Variants in PRSS36 observed in about 807,000 individuals in gnomAD.
The protein encoded by PRSS36 is polyserase-2.
In PRSS36, 90 loss-of-function variants were observed where a neutral mutation model predicts 94.3. The ratio of observed to expected loss-of-function variants is 0.95; its 90% CI spans 0.80 to 1.14. PRSS36 has a LOEUF of 1.14. PRSS36 is among the 50% of genes most tolerant of loss of function. The probability of loss-of-function intolerance (pLI) is 0.00; values close to 1 mark genes in which losing one functional copy is unlikely to be tolerated. For synonymous variants in PRSS36, 500 were observed against 489.6 expected, an observed-to-expected ratio of 1.02 and a Z score of -0.28; for missense variants, 1,158 against 1,135.0, an observed-to-expected ratio of 1.02 and a Z score of -0.29.
Position 31,142,861 on chromosome 16 carries a change from C to T in PRSS36, c.1233G>A (p.Leu411=). The T allele has an allele frequency of 5.1e-6, 8 of 1,558,730 alleles. No individual in the cohort carries two copies. Among genetic ancestry groups the T allele is most frequent in the Non-Finnish European group, 5.2e-6 (6 of 1,156,918 alleles). ...CGGGCGTGCGCAGCTGCAGCAGCGC[C>T]AGGTCCGAGGCGTTGTCCCACGAAG... ...ENASWDNASD[L]ALLQLRTPVN... is the part of the protein sequence containing the mutation. Residue 411 remains leucine (L), a synonymous_variant, in exon 9 of 15, where the codon CTG becomes CTA. Coordinates refer to ENST00000268281, the MANE Select transcript of PRSS36 (RefSeq NM_173502.5).
intron 2 of PRSS36, 87 bp downstream of exon 2, chr16:31,149,609 C>G (rs531945488): frequency 6.2e-7 from 1 of 1,607,196 alleles, no homozygotes; most frequent in Non-Finnish European, 8.5e-7. Flanking sequence ...CTTCCCTGTC[C>G]GTTCAGCAAC....
Position 31,145,799 on chromosome 16 carries a change from T to C in PRSS36, c.710A>G (p.Asp237Gly), listed in dbSNP as rs776037792. Residue 237 changes from aspartate to glycine, a missense_variant, in exon 6 of 15, where the codon GAC becomes GGC. Physicochemically the swap from Asp to Gly is moderately conservative, Grantham distance 94 (BLOSUM62 -1). Coordinates refer to ENST00000268281, the MANE Select transcript of PRSS36 (RefSeq NM_173502.5). ...GGGGCCTTCCCTCACCTGGCAGGTG[T>C]CCCTGCGGCCCTCTGGGTAGCCAGC... ...LCAGYPEGRR[D>G]TCQGDSGGPL... 6.2e-7 allele frequency: 1 copy of C among 1,612,982 alleles called. No individual in the cohort carries two copies.
chr16:31,141,994 T>G, intron 10 of PRSS36, 34 bp from the exon 11 acceptor site: 1 of 1,588,402 alleles, frequency 6.3e-7, no homozygotes, highest in East Asian at 2.2e-5. Flanking sequence ...TACTTGCCTC[T>G]GCGTGTGTGC....
chr16:31,145,332 T>C (rs1177514406), intron 6 of PRSS36, among the ~76,000 whole-genome samples: 28 of 125,504 alleles, frequency 2.2e-4, no homozygotes, highest in Admixed American at 5.8e-4. Context: ...GAGATCATGC[T>C]ACTGCACTCC....
Position 31,139,213 on chromosome 16 carries a change from T to G in PRSS36, c.2493A>C (p.Pro831=). The part of the protein sequence containing the change: ...WPTGGSNLCP[P]ELAKASGSPH... ...GGGATCCCGAGGCCTTGGCCAGTTC[T>G]GGGGGGCAGAGATTGCTGCCTCCAG... The change falls in exon 15 of 15, where the codon CCA becomes CCC. Residue 831 remains proline (P), a synonymous_variant. Coordinates refer to ENST00000268281, the MANE Select transcript of PRSS36 (RefSeq NM_173502.5). 1.9e-6 allele frequency: 3 copies of G among 1,613,344 alleles called. No individual in the cohort carries two copies. The highest frequency in any genetic ancestry group is 1.7e-6 in the Non-Finnish European group (2 of 1,179,470).
At chr16:31,148,713 C>A in intron 4 of PRSS36, 38 bp from the exon 5 acceptor site, 1 of 1,607,886 alleles carries the variant, frequency 6.2e-7, no homozygotes, top group Non-Finnish European at 8.5e-7. Context: ...TAGGTTGACC[C>A]TATGGAGGGG....
chr16:31,142,755 C>A lies in PRSS36; in HGVS notation c.1339G>T (p.Ala447Ser), dbSNP rs1263185068. The A allele has an allele frequency of 2.1e-6, 3 of 1,397,856 alleles. No individual in the cohort carries two copies. Among genetic ancestry groups the A allele is most frequent in the Non-Finnish European group, 1.9e-6 (2 of 1,071,558 alleles). The allele number at this position is 1,397,856 out of a possible 1,614,324, so 86.6% of individuals were successfully genotyped here. A position where few individuals can be genotyped will look rare whatever the true frequency, so the allele number is the denominator to read the frequency against. ...YFLPGSRCRL[A>S]RWGRGEPALG... ...AGCTCACCCCCGCGGCCCCAGCGGG[C>A]CAGGCGGCAGCGGCTCCCGGGCAGG... The change falls in exon 9 of 15, where the codon GCC becomes TCC. Residue 447 changes from alanine (A) to serine (S), a missense_variant. Ala to Ser is a moderately conservative substitution (Grantham distance 99). Coordinates refer to ENST00000268281, the MANE Select transcript of PRSS36 (RefSeq NM_173502.5).
chr16:31,141,340 T>G, intron 12 of PRSS36, 129 bp downstream of exon 12: 1 of 1,252,744 alleles, frequency 8.0e-7, no homozygotes, highest in Non-Finnish European at 1.1e-6. Context: ...GAGGCTGGCC[T>G]GGGCAACACA....
At chr16:31,140,165 G>T in intron 14 of PRSS36, 129 bp downstream of exon 14, 1 of 1,000,440 alleles carries the variant, frequency 1.0e-6, no homozygotes. Context: ...CACTCCAGCT[G>T]GGGGACAGAG....
Position 31,140,482 on chromosome 16 carries a change from G to A in PRSS36, c.2167+10C>T, listed in dbSNP as rs2057666795. On this transcript the variant is annotated intron_variant, in intron 13 of 14. Transcript: ENST00000268281. ...AGCTACTCCTCGTTCCCGTGACCCA[G>A]GGGTCTCACCTCGGTCCTGGGGTTC... 2 of 1,591,874 alleles carry A rather than the reference G, an allele frequency of 1.3e-6. No individual in the cohort carries two copies. The highest frequency in any genetic ancestry group is 1.7e-6 in the Non-Finnish European group (2 of 1,168,336).
intron 14 of PRSS36, among the ~76,000 whole-genome samples, chr16:31,139,667 G>A (rs1161031885): frequency 3.3e-5 from 5 of 151,312 alleles, no homozygotes; most frequent in Non-Finnish European, 7.4e-5. Flanking sequence ...ATCATTTGAG[G>A]TGAGGAGTTT....
Position 31,142,892 on chromosome 16 carries a change from T to C in PRSS36, c.1202A>G (p.Glu401Gly). The C allele has an allele frequency of 6.4e-7, 1 of 1,556,714 alleles. No individual in the cohort carries two copies. The highest frequency in any genetic ancestry group is 8.6e-7 in the Non-Finnish European group (1 of 1,157,022). The change falls in exon 9 of 15, where the codon GAG becomes GGG. Residue 401 changes from glutamate (E) to glycine (G), a missense_variant. Physicochemically the swap from Glu to Gly is moderately conservative, Grantham distance 98. Coordinates refer to ENST00000268281, the MANE Select transcript of PRSS36 (RefSeq NM_173502.5). ...CGAGGCGTTGTCCCACGAAGCGTTC[T>C]CGTGCTGCACCAGGCGCGCCACCCG... ...AERVARLVQH[E>G]NASWDNASDL...
At chr16:31,149,364 C>T (rs2057861606) in intron 3 of PRSS36, 99 bp downstream of exon 3, 2 of 1,553,384 alleles carry the variant, frequency 1.3e-6, no homozygotes, top group South Asian at 2.3e-5. Context: ...ACATAGAGGA[C>T]CCAGGCTTGT....
intron 10 of PRSS36, 41 bp downstream of exon 10, chr16:31,142,440 T>G: frequency 7.1e-7 from 1 of 1,411,330 alleles, no homozygotes. Flanking sequence ...CCTAGAGCCC[T>G]CTCGGGCCCG....
At chr16:31,145,522 TG>T (rs1252554378) in intron 6 of PRSS36, among the ~76,000 whole-genome samples, 17 of 147,862 alleles carry the variant, frequency 1.1e-4, no homozygotes, top group Admixed American at 1.1e-3. Context: ...CTCAGCTACT[TG>T]GGGGGCTGAA....
chr16:31,141,172 T>C (rs1034123094), intron 12 of PRSS36, among the ~76,000 whole-genome samples: 3 of 152,138 alleles, frequency 2.0e-5, no homozygotes, highest in African/African-American at 7.2e-5. Flanking sequence ...TCTGCCCGCC[T>C]CGGCCTCCCA....
rs61976958 is a variant in PRSS36 at position 31,140,606 on chromosome 16, G to A, written c.2053C>T (p.Leu685=). The A allele has an allele frequency of 2.9e-3, 4,613 of 1,610,752 alleles. 114 individuals carry two copies. The African/African-American group carries it at 0.055, about 19-fold the overall frequency. The change falls in exon 13 of 15, where the codon CTG becomes TTG. Residue 685 remains leucine (L), a synonymous_variant. Transcript: ENST00000268281. The part of the protein sequence containing the change: ...GLRPPLALLE[L]SSRVEPSPSA... Reference sequence around the variant, plus strand: ...GGGGAGGGCTCCACCCGGGAGCTCAGCTCCAGGAGGGCCAGGGGGGGCCTG... The same window carrying A: ...GGGGAGGGCTCCACCCGGGAGCTCAACTCCAGGAGGGCCAGGGGGGGCCTG...
chr16:31,139,169 A>G lies in PRSS36; in HGVS notation c.2537T>C (p.Leu846Pro). ...CTGGATCAGGAGAGTCAGCAGGAGC[A>G]GGAAGTAGACTGCATGCGGGGATCC... Reference protein sequence around the residue: ...ASGSPHAVYFLLLLTLLIQS With the variant: ...ASGSPHAVYFPLLLTLLIQS Residue 846 changes from leucine to proline, a missense_variant, in exon 15 of 15, where the codon CTG (leucine) becomes CCG (proline). By Grantham distance (98) the Leu-to-Pro change is moderately conservative. Transcript: ENST00000268281. 2 of 1,586,444 alleles carry G rather than the reference A, an allele frequency of 1.3e-6. No homozygotes were observed. Among genetic ancestry groups the G allele is most frequent in the Non-Finnish European group, 1.7e-6 (2 of 1,163,370 alleles).
At position 31,145,938 on chromosome 16, in the gene PRSS36, A is replaced by T. The variant is rs573256000; in HGVS notation, c.571T>A (p.Trp191Arg). The change falls in exon 6 of 15, where the codon TGG becomes AGG. Residue 191 changes from tryptophan (W) to arginine (R), a missense_variant. Physicochemically the swap from Trp to Arg is moderately radical, Grantham distance 101 (BLOSUM62 -3). Transcript: ENST00000268281. ...CTTAGCTCCACTTCCTGTAGCACCC[A>T]GGGGAGAGGCAGAGGATCTGGAGGC... is the stretch of plus-strand genomic sequence containing the variant. ...VQEADPLPLPWVLQEVELRLL... is the reference protein window; with the variant it reads ...VQEADPLPLPRVLQEVELRLL... 1 of 1,613,012 alleles carries T rather than the reference A, an allele frequency of 6.2e-7. No homozygotes were observed. Among genetic ancestry groups the T allele is most frequent in the Admixed American group, 1.7e-5 (1 of 59,870 alleles).
Sources: gnomAD v4.1 joint callset for allele counts (sites outside exome capture counted in the v4.1 genomes callset) on GRCh38, gnomAD v4.1.1 for gene constraint, MANE v1.5 for transcripts, NCBI Gene and HGNC (gene_info 2026-07-23, HGNC 2026-07-21) for gene names.